TRIM44: variants seen among roughly 807,000 people sequenced by gnomAD.
The protein encoded by TRIM44 is tripartite motif containing 44.
A neutral mutation model predicts 37.4 loss-of-function variants in TRIM44; 13 were observed. The observed-to-expected ratio is 0.35, with a 90% CI of 0.23 to 0.55. TRIM44 has a LOEUF of 0.55. TRIM44 is among the 20% of genes least tolerant of loss of function. The pLI is 0.89. For missense variants in TRIM44, 426 were observed against 437.2 expected (o/e 0.97, Z 0.23); for synonymous variants, 175 against 157.2 (o/e 1.11, Z -0.85).
chr11:35,710,622 G>A (rs1019011275), intron 2 of TRIM44, among the ~76,000 whole-genome samples: 9 of 152,204 alleles, frequency 5.9e-5, no homozygotes, highest in Non-Finnish European at 1.3e-4. Flanking sequence ...TTATTATGCA[G>A]ATTTAAGTTG....
At chr11:35,780,015 A>C (rs1347461492) in intron 4 of TRIM44, among the ~76,000 whole-genome samples, 1 of 151,880 alleles carries the variant, frequency 6.6e-6, no homozygotes, top group Non-Finnish European at 1.5e-5. Flanking sequence ...ATAGCCTTAT[A>C]GTATAGTTTG....
intron 2 of TRIM44, among the ~76,000 whole-genome samples, chr11:35,695,582 G>C (rs1590513574): frequency 1.3e-5 from 2 of 152,142 alleles, no homozygotes; most frequent in East Asian, 3.9e-4. Flanking sequence ...TGCTTTTTAG[G>C]ATCCTTTTCA....
chr11:35,792,247 ACTG>A (rs1026863651), intron 4 of TRIM44, among the ~76,000 whole-genome samples: 3 of 152,222 alleles, frequency 2.0e-5, no homozygotes, highest in African/African-American at 7.2e-5. Flanking sequence ...AGTCGTTTTC[ACTG>A]CTATTTTACC....
chr11:35,697,684 A>G (rs947369963), intron 2 of TRIM44, among the ~76,000 whole-genome samples: 1 of 151,428 alleles, frequency 6.6e-6, no homozygotes, highest in Non-Finnish European at 1.5e-5. Context: ...ATTCCCACCT[A>G]TGAGTGAGAA....
rs552244953 is a variant in TRIM44, at chr11:35,707,400, T to C, written c.748-18524T>C. On this transcript the variant is annotated intron_variant, in intron 2 of 4. Coordinates refer to ENST00000299413, the MANE Select transcript of TRIM44 (RefSeq NM_017583.6). Reference sequence around the variant, plus strand: ...GCTACCAATGACTTTCTTCACAGAATTGGAAAAAACTACTTTAAAGTTCAT... The same window carrying C: ...GCTACCAATGACTTTCTTCACAGAACTGGAAAAAACTACTTTAAAGTTCAT... 8.5e-5 allele frequency among the ~76,000 whole-genome samples: 13 copies of C among 152,178 alleles called. No individual in the cohort carries two copies. The South Asian group carries it at 1.0e-3, about 12-fold the overall frequency.
chr11:35,780,371 A>G (rs1407116173), intron 4 of TRIM44, among the ~76,000 whole-genome samples: 1 of 152,240 alleles, frequency 6.6e-6, no homozygotes, highest in Non-Finnish European at 1.5e-5. Context: ...GAATGTACTC[A>G]GGACTTCAGA....
At chr11:35,788,643 T>A (rs1167930816) in intron 4 of TRIM44, among the ~76,000 whole-genome samples, 2 of 152,234 alleles carry the variant, frequency 1.3e-5, no homozygotes, top group African/African-American at 4.8e-5. Flanking sequence ...GTGATCGTCT[T>A]GCCTTTCACA....
At chr11:35,666,865 A>G (rs919554532) in intron 1 of TRIM44, among the ~76,000 whole-genome samples, 7 of 152,222 alleles carry the variant, frequency 4.6e-5, no homozygotes, top group Non-Finnish European at 7.3e-5. Context: ...ATTATCTTAC[A>G]TATCCTAATA....
chr11:35,681,443 ACAATGTAGCACTTATCTCT>A (rs1242906519), intron 1 of TRIM44, among the ~76,000 whole-genome samples: 1 of 152,170 alleles, frequency 6.6e-6, no homozygotes, highest in Non-Finnish European at 1.5e-5. Context: ...GGTGGGTGTC[ACAATGTAGCACTTATCTCT>A]TTTTATTCTA....
At chr11:35,787,933 C>T (rs1200404427) in intron 4 of TRIM44, among the ~76,000 whole-genome samples, 1 of 152,228 alleles carries the variant, frequency 6.6e-6, no homozygotes, top group Non-Finnish European at 1.5e-5. Flanking sequence ...TGTTTATGGA[C>T]ATGGCTCACT....
intron 2 of TRIM44, among the ~76,000 whole-genome samples, chr11:35,709,457 T>C (rs1301923338): frequency 1.3e-5 from 2 of 152,198 alleles, no homozygotes; most frequent in African/African-American, 4.8e-5. Context: ...CTTTAAGAGC[T>C]AAATTTTATA....
chr11:35,706,678 T>G (rs975926237), intron 2 of TRIM44, among the ~76,000 whole-genome samples: 1 of 151,898 alleles, frequency 6.6e-6, no homozygotes, highest in Non-Finnish European at 1.5e-5. Context: ...ATTATCTCAA[T>G]AGATGCAGAA....
At chr11:35,664,137 G>C (rs1347189619) in intron 1 of TRIM44, among the ~76,000 whole-genome samples, 1 of 152,150 alleles carries the variant, frequency 6.6e-6, no homozygotes, top group East Asian at 1.9e-4. Flanking sequence ...TAGGGCTCTT[G>C]ATAAGGCAAT....
chr11:35,778,886 T>C (rs1853015635), intron 4 of TRIM44, among the ~76,000 whole-genome samples: 1 of 152,212 alleles, frequency 6.6e-6, no homozygotes, highest in African/African-American at 2.4e-5. Flanking sequence ...GTTAGGCTGC[T>C]CAGGGGTCAG....
intron 3 of TRIM44, among the ~76,000 whole-genome samples, chr11:35,731,701 TTA>T (rs1236505724): frequency 1.3e-5 from 2 of 152,204 alleles, no homozygotes; most frequent in Non-Finnish European, 2.9e-5. Context: ...GTGTCTTTAT[TTA>T]TATGTCATGA....
At chr11:35,709,664 G>C (rs573559031) in intron 2 of TRIM44, among the ~76,000 whole-genome samples, 57 of 152,138 alleles carry the variant, frequency 3.7e-4, no homozygotes, top group African/African-American at 1.4e-3. Flanking sequence ...ATGCAAATCC[G>C]TGGGGCTCCA....
chr11:35,733,668 GT>G (rs1430506056), intron 3 of TRIM44, among the ~76,000 whole-genome samples: 1 of 152,066 alleles, frequency 6.6e-6, no homozygotes, highest in African/African-American at 2.4e-5. Context: ...CAAATGGCTA[GT>G]TTGATTTAAA....
chr11:35,790,396 C>G (rs1853192081), intron 4 of TRIM44, among the ~76,000 whole-genome samples: 2 of 152,190 alleles, frequency 1.3e-5, no homozygotes. Context: ...TTCACATGCT[C>G]TCATGTTTGG....
intron 4 of TRIM44, among the ~76,000 whole-genome samples, chr11:35,780,944 G>A (rs929133693): frequency 2.0e-5 from 3 of 152,190 alleles, no homozygotes; most frequent in African/African-American, 4.8e-5. Flanking sequence ...GATCCCTTCT[G>A]TGGTGGAATT....
Sources: gnomAD v4.1 joint callset for allele counts (sites outside exome capture counted in the v4.1 genomes callset) on GRCh38, gnomAD v4.1.1 for gene constraint, MANE v1.5 for transcripts, NCBI Gene and HGNC (gene_info 2026-07-23, HGNC 2026-07-21) for gene names.